ELF2: variants seen among roughly 807,000 people sequenced by gnomAD.
The protein encoded by ELF2 is ETS-related transcription factor Elf-2.
A neutral mutation model predicts 54.8 loss-of-function variants in ELF2; 11 were observed. The observed-to-expected ratio is 0.20, with a 90% CI of 0.13 to 0.33. The LOEUF (loss-of-function observed/expected upper bound fraction) is 0.33, where lower values mean the gene tolerates loss of function less well. ELF2 is among the 10% of genes least tolerant of loss of function. The pLI is 1.00. For synonymous variants in ELF2, 203 were observed against 245.1 expected, an observed-to-expected ratio of 0.83 and a Z score of 1.61; for missense variants, 513 against 703.0, an observed-to-expected ratio of 0.73 and a Z score of 3.06.
At chr4:139,068,390 C>T (rs1317364388) in intron 6 of ELF2, among the ~76,000 whole-genome samples, 1 of 152,170 alleles carries the variant, frequency 6.6e-6, no homozygotes, top group Non-Finnish European at 1.5e-5. Flanking sequence ...TTCTGTTCTA[C>T]AGGATGGTGA....
Position 139,171,822 on chromosome 4 carries a change from G to A in ELF2, c.-252+5145C>T, listed in dbSNP as rs1186984050. Among the ~76,000 whole-genome samples the A allele has an allele frequency of 2.6e-5, 4 of 152,318 alleles. No homozygotes were observed. In the East Asian group the frequency reaches 7.7e-4, roughly 29 times the overall value. The stretch of plus-strand genomic sequence containing the variant: ...GGCTGTAATCCCAGCTACTCGGGAG[G>A]CTGAGGCAGAAGAATTGCTTGAACC... On this transcript the variant is annotated intron_variant, in intron 1 of 9. Transcript: ENST00000686138.
At chr4:139,115,547 G>A (rs2148819143) in intron 4 of ELF2, among the ~76,000 whole-genome samples, 1 of 151,744 alleles carries the variant, frequency 6.6e-6, no homozygotes, top group East Asian at 1.9e-4. Flanking sequence ...CCCCTGACAT[G>A]GATTTCTATA....
chr4:139,094,884 G>GT (rs1313307254), intron 4 of ELF2, among the ~76,000 whole-genome samples: 1 of 151,762 alleles, frequency 6.6e-6, no homozygotes, highest in Non-Finnish European at 1.5e-5. Context: ...TTTTGTTTTT[G>GT]TTTTTTTACT....
chr4:139,094,958 C>T (rs1314004347), intron 4 of ELF2, among the ~76,000 whole-genome samples: 1 of 152,022 alleles, frequency 6.6e-6, no homozygotes, highest in African/African-American at 2.4e-5. Flanking sequence ...TACGGCAAAC[C>T]TGATGAAACT....
intron 1 of ELF2, among the ~76,000 whole-genome samples, chr4:139,151,022 T>TAAA (rs1739830273): frequency 1.9e-5 from 1 of 51,968 alleles, no homozygotes; most frequent in African/African-American, 1.3e-4. Context: ...AGGCTCCATC[T>TAAA]CAAAAAAAAA....
intron 3 of ELF2, among the ~76,000 whole-genome samples, chr4:139,134,304 T>C (rs566639724): frequency 1.4e-4 from 22 of 151,976 alleles, no homozygotes; most frequent in African/African-American, 4.4e-4. Flanking sequence ...AAAAAATTGA[T>C]TATGGCATTC....
Position 139,060,558 on chromosome 4 carries a change from T to G in ELF2, c.923A>C (p.Asn308Thr), listed in dbSNP as rs781735726. 2.5e-6 allele frequency: 4 copies of G among 1,614,098 alleles called. No homozygotes were observed. Among genetic ancestry groups the G allele is most frequent in the Non-Finnish European group, 3.4e-6 (4 of 1,180,046 alleles). The change falls in exon 9 of 10, where the codon AAT (asparagine) becomes ACT (threonine). Residue 308 changes from asparagine (N) to threonine (T), a missense_variant. Physicochemically the swap from Asn to Thr is moderately conservative, Grantham distance 65 (BLOSUM62 0). Around this residue, in one of 3 missense-constraint regions of ELF2, gnomAD observed 291 missense variants for 366.1 expected, o/e 0.79. Coordinates refer to ENST00000686138, the MANE Select transcript of ELF2 (RefSeq NM_001331036.3). ...ATCAGTAGTTCCTGCTAAATCTTCA[T>G]TACAGGTTTCACTTTTGTCATCATC... Reference protein sequence around the residue: ...VIDDDKSETCNEDLAGTTDEK... With the variant: ...VIDDDKSETCTEDLAGTTDEK...
intron 4 of ELF2, among the ~76,000 whole-genome samples, chr4:139,110,099 T>C (rs1734815604): frequency 6.6e-6 from 1 of 152,196 alleles, no homozygotes; most frequent in South Asian, 2.1e-4. Flanking sequence ...ACTAGCCATA[T>C]CAACTAATCA....
At chr4:139,097,539 C>T (rs1409296379) in intron 4 of ELF2, among the ~76,000 whole-genome samples, 1 of 151,258 alleles carries the variant, frequency 6.6e-6, no homozygotes, top group Non-Finnish European at 1.5e-5. Context: ...ATCACTTGAA[C>T]CCAGAAGGCA....
intron 6 of ELF2, among the ~76,000 whole-genome samples, chr4:139,071,392 G>A (rs1397862848): frequency 2.6e-5 from 4 of 151,716 alleles, no homozygotes; most frequent in Admixed American, 6.6e-5. Flanking sequence ...AAACTCCTGC[G>A]CTCACGAAAT....
Position 139,147,911 on chromosome 4 carries a change from C to T in ELF2, c.-251-8414G>A, listed in dbSNP as rs560564581. On this transcript the variant is annotated intron_variant, in intron 1 of 9. Transcript: ENST00000686138. ...AAGCGATTCTCCTGTCTCAGCCTCCCGAGTAGCTGGGATTACAGGCATGCG... is the reference window on the plus strand; with the variant it reads ...AAGCGATTCTCCTGTCTCAGCCTCCTGAGTAGCTGGGATTACAGGCATGCG... Among the ~76,000 whole-genome samples, 1,074 of 151,690 alleles carry T rather than the reference C, an allele frequency of 7.1e-3. 10 individuals are homozygous for T. The highest frequency in any genetic ancestry group is 0.025 in the African/African-American group (1,031 of 41,366).
chr4:139,116,276 C>T (rs1316428860), intron 4 of ELF2, among the ~76,000 whole-genome samples: 4 of 151,442 alleles, frequency 2.6e-5, no homozygotes, highest in Non-Finnish European at 5.9e-5. Flanking sequence ...CTAGGCTAAC[C>T]TCAAGAAAAT....
At chr4:139,110,291 G>T (rs1243659225) in intron 4 of ELF2, among the ~76,000 whole-genome samples, 3 of 152,066 alleles carry the variant, frequency 2.0e-5, no homozygotes, top group Non-Finnish European at 4.4e-5. Context: ...ACAATATGAT[G>T]GGCTTACGTC....
chr4:139,059,817 T>C (rs959983808), intron 9 of ELF2, among the ~76,000 whole-genome samples: 4 of 151,576 alleles, frequency 2.6e-5, no homozygotes, highest in African/African-American at 9.7e-5. Context: ...TATAAAACCA[T>C]AAAAACCAAT....
intron 4 of ELF2, among the ~76,000 whole-genome samples, chr4:139,113,047 A>G (rs186719117): frequency 2.3e-4 from 35 of 152,236 alleles, no homozygotes; most frequent in African/African-American, 8.0e-4. Flanking sequence ...TTCTTGGTAT[A>G]CAAACATCAT....
chr4:139,176,949 G>C lies in ELF2; in HGVS notation c.-252+18C>G, dbSNP rs1448160566. ...CTTCGCGCTCCCTCTCACCAGCCTCGGCTGCCCGCGCTCTTACCTGCTCTC... is the reference window on the plus strand; with the variant it reads ...CTTCGCGCTCCCTCTCACCAGCCTCCGCTGCCCGCGCTCTTACCTGCTCTC... On this transcript the variant is annotated intron_variant, in intron 1 of 9. Transcript: ENST00000686138. 6.6e-6 allele frequency: 1 copy of C among 152,246 alleles called. No homozygotes were observed. The highest frequency in any genetic ancestry group is 1.5e-5 in the Non-Finnish European group (1 of 68,026). 9.4% of individuals were successfully genotyped at this position (152,246 alleles called of 1,614,324 possible).
intron 4 of ELF2, chr4:139,100,796 T>C (rs745854277): frequency 1.6e-4 from 24 of 152,352 alleles, no homozygotes; most frequent in Admixed American, 1.1e-3. Flanking sequence ...GGAGGGAGTA[T>C]CACTATTCCA....
chr4:139,124,718 CA>C (rs1736737900), intron 4 of ELF2, among the ~76,000 whole-genome samples: 1 of 152,108 alleles, frequency 6.6e-6, no homozygotes, highest in South Asian at 2.1e-4. Context: ...TAGAACACTA[CA>C]ATGATGCTTC....
intron 4 of ELF2, among the ~76,000 whole-genome samples, chr4:139,118,253 A>G (rs1213305860): frequency 6.6e-6 from 1 of 152,202 alleles, no homozygotes; most frequent in East Asian, 1.9e-4. Context: ...AGATAAAAAT[A>G]ATAAAATAAT....
Sources: allele counts gnomAD v4.1 joint callset (sites outside exome capture counted in the v4.1 genomes callset), GRCh38; gene constraint gnomAD v4.1.1; regional missense constraint gnomAD v4.1.1; transcripts MANE v1.5; gene names NCBI Gene and HGNC (gene_info 2026-07-23, HGNC 2026-07-21).